PTPRM: variants seen among roughly 807,000 people sequenced by gnomAD.
The protein encoded by PTPRM is receptor-type tyrosine-protein phosphatase mu.
PTPRM carries 47 observed loss-of-function variants against 186.7 expected under a neutral mutation model. That is an observed-to-expected ratio of 0.25 (90% CI 0.20 to 0.32). The LOEUF (loss-of-function observed/expected upper bound fraction) is 0.32. Ranked by LOEUF, PTPRM falls within the 10% of genes least tolerant of loss-of-function variation. The pLI is 1.00. For missense variants in PTPRM, 1,494 were observed against 1,865.0 expected, an observed-to-expected ratio of 0.80 and a Z score of 3.66; for synonymous variants, 668 against 674.9, an observed-to-expected ratio of 0.99 and a Z score of 0.16.
intron 1 of PTPRM, among the ~76,000 whole-genome samples, chr18:7,710,602 AAC>A (rs1391937458): frequency 6.6e-6 from 1 of 152,224 alleles, no homozygotes; most frequent in East Asian, 1.9e-4. Flanking sequence ...GAGGAAGCCA[AAC>A]TGCCGCTGTT....
intron 7 of PTPRM, among the ~76,000 whole-genome samples, chr18:8,030,977 C>T (rs2085928500): frequency 6.6e-6 from 1 of 152,148 alleles, no homozygotes; most frequent in African/African-American, 2.4e-5. Context: ...CTTGTGTTTT[C>T]TTTATACTTT....
intron 7 of PTPRM, among the ~76,000 whole-genome samples, chr18:7,956,659 A>G (rs749209272): frequency 1.2e-4 from 18 of 152,168 alleles, no homozygotes; most frequent in Admixed American, 6.5e-5. Context: ...TGATTTGGTG[A>G]TTCCCACAGC....
chr18:8,211,547 GC>G (rs139645701), intron 14 of PTPRM, among the ~76,000 whole-genome samples: 40,485 of 151,264 alleles, frequency 0.27, 5,583 homozygotes, highest in Middle Eastern at 0.5. Flanking sequence ...GGGATTACAG[GC>G]ACCCGCCACC....
chr18:7,963,140 T>A (rs529266487), intron 7 of PTPRM, among the ~76,000 whole-genome samples: 1 of 152,360 alleles, frequency 6.6e-6, no homozygotes, highest in East Asian at 1.9e-4. Flanking sequence ...CCTTCCCTAT[T>A]ATGCTGCAGA....
intron 2 of PTPRM, among the ~76,000 whole-genome samples, chr18:7,843,289 C>A (rs925732318): frequency 6.6e-6 from 1 of 152,140 alleles, no homozygotes; most frequent in Non-Finnish European, 1.5e-5. Flanking sequence ...GGCCCTGTCT[C>A]TCCTGAGAGT....
At chr18:8,032,662 T>G (rs2086057323) in intron 7 of PTPRM, among the ~76,000 whole-genome samples, 1 of 152,084 alleles carries the variant, frequency 6.6e-6, no homozygotes, top group African/African-American at 2.4e-5. Context: ...AAAAATAAAT[T>G]GAAACAGAAG....
chr18:7,829,634 A>T (rs1043959685), intron 2 of PTPRM, among the ~76,000 whole-genome samples: 4 of 152,232 alleles, frequency 2.6e-5, no homozygotes, highest in African/African-American at 9.6e-5. Flanking sequence ...ATTATAAAGG[A>T]TCTGCAAGAC....
At chr18:8,191,950 A>G (rs1412275226) in intron 14 of PTPRM, among the ~76,000 whole-genome samples, 2 of 152,164 alleles carry the variant, frequency 1.3e-5, no homozygotes, top group Non-Finnish European at 2.9e-5. Flanking sequence ...AACACATATC[A>G]TTTTCTATAT....
chr18:8,044,416 A>C (rs921983456), intron 7 of PTPRM, among the ~76,000 whole-genome samples: 7 of 152,162 alleles, frequency 4.6e-5, no homozygotes. Context: ...TAGTGAATGG[A>C]GGATGTGTAA....
intron 4 of PTPRM, among the ~76,000 whole-genome samples, chr18:7,911,363 C>G (rs563131076): frequency 3.3e-5 from 5 of 152,280 alleles, no homozygotes; most frequent in Admixed American, 1.3e-4. Context: ...TTTCAAACAG[C>G]AGTGTATGAT....
At chr18:8,066,695 CT>C (rs1275083576) in intron 7 of PTPRM, among the ~76,000 whole-genome samples, 2 of 152,184 alleles carry the variant, frequency 1.3e-5, no homozygotes, top group African/African-American at 4.8e-5. Context: ...TGTAGTTATG[CT>C]TCAACGTAAA....
intron 14 of PTPRM, among the ~76,000 whole-genome samples, chr18:8,209,049 G>A (rs1396343381): frequency 6.6e-6 from 1 of 152,200 alleles, no homozygotes; most frequent in African/African-American, 2.4e-5. Flanking sequence ...ATAGGGCATA[G>A]GGGCTGCTGT....
intron 1 of PTPRM, among the ~76,000 whole-genome samples, chr18:7,765,909 T>C (rs2041995554): frequency 6.6e-6 from 1 of 152,240 alleles, no homozygotes; most frequent in Non-Finnish European, 1.5e-5. Flanking sequence ...ACTATAATTA[T>C]AACAGGAAGA....
At chr18:8,024,594 C>T (rs999080525) in intron 7 of PTPRM, among the ~76,000 whole-genome samples, 4 of 151,772 alleles carry the variant, frequency 2.6e-5, no homozygotes, top group Admixed American at 2.0e-4. Context: ...CACTTCAGAG[C>T]CTTAAATTGT....
At chr18:7,783,158 GCATCT>G (rs2042936073) in intron 2 of PTPRM, among the ~76,000 whole-genome samples, 1 of 152,192 alleles carries the variant, frequency 6.6e-6, no homozygotes, top group Non-Finnish European at 1.5e-5. Flanking sequence ...CTTTTAGTTA[GCATCT>G]GGTAGTGGAG....
At chr18:7,805,543 T>C (rs111794202) in intron 2 of PTPRM, among the ~76,000 whole-genome samples, 1,838 of 152,310 alleles carry the variant, frequency 0.012, 33 homozygotes, top group African/African-American at 0.042. Context: ...TTCCCACTCC[T>C]TCTTTTGACA....
chr18:8,103,763 A>G (rs1162748929), intron 11 of PTPRM, among the ~76,000 whole-genome samples: 1 of 152,050 alleles, frequency 6.6e-6, no homozygotes, highest in Non-Finnish European at 1.5e-5. Context: ...TTTCCTTTGC[A>G]TTTACAACTT....
chr18:8,003,397 G>A (rs964632271), intron 7 of PTPRM, among the ~76,000 whole-genome samples: 7 of 152,116 alleles, frequency 4.6e-5, no homozygotes, highest in African/African-American at 1.7e-4. Context: ...CCCAGTCTTG[G>A]GTATATGTTT....
intron 1 of PTPRM, among the ~76,000 whole-genome samples, chr18:7,691,474 T>C (rs2039731326): frequency 6.6e-6 from 1 of 152,198 alleles, no homozygotes; most frequent in African/African-American, 2.4e-5. Context: ...GAAAACTGAC[T>C]TTGGCATGTT....
Sources: allele counts gnomAD v4.1 joint callset (sites outside exome capture counted in the v4.1 genomes callset), GRCh38; gene constraint gnomAD v4.1.1; transcripts MANE v1.5; gene names NCBI Gene and HGNC (gene_info 2026-07-23, HGNC 2026-07-21).